The following ATXN2L variants were observed in gnomAD, a reference collection of about 807,000 sequenced individuals.
ATXN2L encodes ataxin-2-like protein.
Under a neutral mutation model 120.7 loss-of-function variants are expected in ATXN2L, and 24 were observed. The ratio of observed to expected loss-of-function variants is 0.20; its 90% CI spans 0.14 to 0.28. The LOEUF is 0.28. Among genes scored for constraint, ATXN2L ranks in the 10% least tolerant of loss-of-function variants. The pLI is 1.00. For missense variants in ATXN2L, 1,312 were observed against 1,432.3 expected, an observed-to-expected ratio of 0.92 and a Z score of 1.36; for synonymous variants, 653 against 568.1, an observed-to-expected ratio of 1.15 and a Z score of -2.13.
chr16:28,825,519 C>T (rs1156951343), intron 2 of ATXN2L, 105 bp from the exon 3 acceptor site: 59 of 1,525,184 alleles, frequency 3.9e-5, no homozygotes, highest in Middle Eastern at 3.9e-4. Flanking sequence ...GCTGTGGGCC[C>T]GGCACACACA....
intron 1 of ATXN2L, among the ~76,000 whole-genome samples, chr16:28,825,057 T>TAA (rs369989480): frequency 3.6e-4 from 50 of 137,694 alleles, no homozygotes; most frequent in African/African-American, 7.9e-4. Context: ...TACTAAAAAT[T>TAA]AAAAAAAAAA....
rs753923857 is a variant in ATXN2L at position 28,833,517 on chromosome 16, G to A, written c.2025+9G>A. Reference sequence around the variant, plus strand: ...AGCCTCTGCTGTCTGTGGTGAGCTGGGACAGGAGAATGTGGACTTTGGTTT... The same window carrying A: ...AGCCTCTGCTGTCTGTGGTGAGCTGAGACAGGAGAATGTGGACTTTGGTTT... On this transcript the variant is annotated intron_variant, in intron 15 of 21. Coordinates refer to ENST00000336783, the MANE Select transcript of ATXN2L (RefSeq NM_007245.4). The A allele has an allele frequency of 6.2e-7, 1 of 1,613,938 alleles. No individual in the cohort carries two copies. The highest frequency in any genetic ancestry group is 1.3e-5 in the African/African-American group (1 of 74,924).
In ATXN2L at chr16:28,823,307, G is replaced by GC; in HGVS notation, c.54dup (p.Thr19HisfsTer97). On this transcript the variant is annotated frameshift_variant, in exon 1 of 22. Transcript: ENST00000336783. LOFTEE classifies it high-confidence loss of function. ...AACAGCCCTCCCAGCCCCAGCAGCC[G>GC]CCCCCCACGCAACAGGCCGTGGCCC... 6 of 1,487,564 alleles carry GC rather than the reference G, an allele frequency of 4.0e-6. No homozygotes were observed. Among genetic ancestry groups the GC allele is most frequent in the South Asian group, 1.3e-5 (1 of 77,164 alleles). 92.1% of individuals were successfully genotyped at this position (1,487,564 alleles called of 1,614,324 possible).
intron 15 of ATXN2L, 59 bp from the exon 16 acceptor site, chr16:28,834,006 G>A: frequency 6.4e-7 from 1 of 1,566,874 alleles, no homozygotes. Flanking sequence ...ACCACTCTAG[G>A]CATGGCCAGG....
intron 8 of ATXN2L, 121 bp downstream of exon 8, chr16:28,830,179 T>C (rs777159367): frequency 1.2e-5 from 12 of 1,007,444 alleles, no homozygotes; most frequent in Non-Finnish European, 1.7e-5. Flanking sequence ...ATACACAGGT[T>C]TAGGAGGTTG....
Position 28,826,957 on chromosome 16 carries a change from A to G in ATXN2L, c.712A>G (p.Ser238Gly). The change falls in exon 6 of 22, where the codon AGC becomes GGC. Residue 238 changes from serine (S) to glycine (G), a missense_variant. Transcript: ENST00000336783. Reference sequence around the variant, plus strand: ...GCGCTGGGAGGGGGGTGACAGCAACAGCGACGACTATGACCTCGAGTCTGA... The same window carrying G: ...GCGCTGGGAGGGGGGTGACAGCAACGGCGACGACTATGACCTCGAGTCTGA... Reference protein sequence around the residue: ...LQRWEGGDSNSDDYDLESDMS... With the variant: ...LQRWEGGDSNGDDYDLESDMS... 6.3e-7 allele frequency: 1 copy of G among 1,578,924 alleles called. No homozygotes were observed. Among genetic ancestry groups the G allele is most frequent in the South Asian group, 1.2e-5 (1 of 85,850 alleles).
Position 28,830,947 on chromosome 16 carries a change from A to AC in ATXN2L, c.1211-15_1211-14insC, listed in dbSNP as rs767453684. On this transcript the variant is annotated splice_polypyrimidine_tract_variant and intron_variant, in intron 9 of 21. Transcript: ENST00000336783. ...TGACATTTTCTTCTCAAAAAAAAAA[A>AC]AAAAAACCAAACAGGCCCTTCCCGC... 1 of 1,544,848 alleles carries AC rather than the reference A, an allele frequency of 6.5e-7. No homozygotes were observed. Among genetic ancestry groups the AC allele is most frequent in the African/African-American group, 1.4e-5 (1 of 71,440 alleles).
Position 28,835,676 on chromosome 16 carries a change from G to A in ATXN2L, c.2813G>A (p.Ser938Asn). 1 of 1,614,010 alleles carries A rather than the reference G, an allele frequency of 6.2e-7. No individual in the cohort carries two copies. Among genetic ancestry groups the A allele is most frequent in the Non-Finnish European group, 8.5e-7 (1 of 1,179,974 alleles). The change falls in exon 21 of 22, where the codon AGC (serine) becomes AAC (asparagine). Residue 938 changes from serine to asparagine, a missense_variant. Transcript: ENST00000336783. Reference sequence around the variant, plus strand: ...CCTTCTGCCCAGTCCCCTCAGAGCAGCTTCCCCCAGCCAGCCGCTGTGTAT... The same window carrying A: ...CCTTCTGCCCAGTCCCCTCAGAGCAACTTCCCCCAGCCAGCCGCTGTGTAT... Reference protein sequence around the residue: ...PGPSAQSPQSSFPQPAAVYAI... With the variant: ...PGPSAQSPQSNFPQPAAVYAI...
At chr16:28,833,984 A>G in intron 15 of ATXN2L, 81 bp from the exon 16 acceptor site, 2 of 1,478,588 alleles carry the variant, frequency 1.4e-6, no homozygotes, top group Middle Eastern at 1.8e-4. Flanking sequence ...CATTTCACGA[A>G]TGTTAATTAT....
chr16:28,833,762 T>C, intron 15 of ATXN2L: 1 of 608,836 alleles, frequency 1.6e-6, no homozygotes, highest in Non-Finnish European at 2.9e-6. Context: ...GGCTTTTCTT[T>C]GGTTCTTGGC....
intron 8 of ATXN2L, 53 bp downstream of exon 8, chr16:28,830,111 G>T: frequency 6.5e-7 from 1 of 1,529,548 alleles, no homozygotes; most frequent in African/African-American, 1.4e-5. Context: ...ATATCCTGGG[G>T]CCTGGGCCCA....
At chr16:28,825,274 A>G in intron 1 of ATXN2L, 92 bp from the exon 2 acceptor site, 1 of 1,158,374 alleles carries the variant, frequency 8.6e-7, no homozygotes, top group East Asian at 2.3e-5. Context: ...CAGCATCATC[A>G]GGTGGTATAT....
chr16:28,823,200 C>A lies in ATXN2L; in HGVS notation c.-60C>A. 8.4e-7 allele frequency: 1 copy of A among 1,193,498 alleles called. No homozygotes were observed. Among genetic ancestry groups the A allele is most frequent in the Non-Finnish European group, 1.1e-6 (1 of 928,856 alleles). 73.9% of individuals were successfully genotyped at this position (1,193,498 alleles called of 1,614,324 possible). ...GCTTCCCGCGCTCTCCAGCGGGGCC[C>A]CAGCCCCGGCCCCCTCTCTCCCTCC... On this transcript the variant is annotated 5_prime_UTR_variant, in exon 1 of 22. Transcript: ENST00000336783.
intron 10 of ATXN2L, among the ~76,000 whole-genome samples, chr16:28,831,696 G>C (rs976747438): frequency 6.6e-6 from 1 of 152,068 alleles, no homozygotes; most frequent in Admixed American, 6.6e-5. Flanking sequence ...AGACCAGCCT[G>C]GGCAACACGG....
chr16:28,824,577 G>T (rs947575234), intron 1 of ATXN2L: 1 of 1,278,090 alleles, frequency 7.8e-7, no homozygotes. Flanking sequence ...TGAGGTCGAG[G>T]GGATGGGGTG....
At chr16:28,826,651 C>T (rs1567402785) in intron 5 of ATXN2L, 2 of 656,488 alleles carry the variant, frequency 3.0e-6, no homozygotes, top group Non-Finnish European at 4.8e-6. Flanking sequence ...TTTTTAACTT[C>T]TTTTTTCTTT....
chr16:28,823,081 C>A lies in ATXN2L; in HGVS notation c.-179C>A. The A allele has an allele frequency of 4.0e-6, 1 of 246,940 alleles. No individual in the cohort carries two copies. Among genetic ancestry groups the A allele is most frequent in the Non-Finnish European group, 7.5e-6 (1 of 133,658 alleles). 15.3% of individuals were successfully genotyped at this position (246,940 alleles called of 1,614,324 possible). A position where few individuals can be genotyped will look rare whatever the true frequency, so the allele number is the denominator to read the frequency against. ...GACCCCCTCCCCTTCCGCCTCGCGG[C>A]GCTTCCTCGCGCCGCGGTCTTCTCT... is the stretch of plus-strand genomic sequence containing the variant. On this transcript the variant is annotated 5_prime_UTR_variant, in exon 1 of 22. Coordinates refer to ENST00000336783, the MANE Select transcript of ATXN2L (RefSeq NM_007245.4).
At chr16:28,823,643 A>T in intron 1 of ATXN2L, 85 bp downstream of exon 1, 1 of 1,211,078 alleles carries the variant, frequency 8.3e-7, no homozygotes, top group Non-Finnish European at 1.0e-6. Flanking sequence ...CCGACCCGGC[A>T]CCGTCAGGGG....
Position 28,836,161 on chromosome 16 carries a change from G to A in ATXN2L, c.3124G>A (p.Ala1042Thr). The A allele has an allele frequency of 6.2e-7, 1 of 1,614,150 alleles. No homozygotes were observed. The highest frequency in any genetic ancestry group is 1.1e-5 in the South Asian group (1 of 91,086). The part of the protein sequence containing the change: ...PGQAPGFPGG[A>T]DDRIREFSLA... ...CCAGGCGCCTGGATTTCCAGGAGGA[G>A]CCGATGACAGGATTCGTGAGTTCTC... Residue 1042 changes from alanine (A) to threonine (T), a missense_variant, in exon 22 of 22, where the codon GCC (alanine) becomes ACC (threonine). Coordinates refer to ENST00000336783, the MANE Select transcript of ATXN2L (RefSeq NM_007245.4).
Sources: allele counts gnomAD v4.1 joint callset (sites outside exome capture counted in the v4.1 genomes callset), GRCh38; gene constraint gnomAD v4.1.1; transcripts MANE v1.5; gene names NCBI Gene and HGNC (gene_info 2026-07-23, HGNC 2026-07-21).